Variants in TEK observed in about 807,000 individuals in gnomAD.
TEK encodes angiopoietin-1 receptor.
A neutral mutation model predicts 131.8 loss-of-function variants in TEK; 43 were observed. That is an observed-to-expected ratio of 0.33 (90% CI 0.26 to 0.42). The LOEUF (loss-of-function observed/expected upper bound fraction) is 0.42, where lower values mean the gene tolerates loss of function less well. Among genes scored for constraint, TEK ranks in the 10% least tolerant of loss-of-function variants. TEK has a pLI of 1.00. For synonymous variants in TEK, 580 were observed against 491.6 expected, an observed-to-expected ratio of 1.18 and a Z score of -2.38; for missense variants, 1,162 against 1,384.4, an observed-to-expected ratio of 0.84 and a Z score of 2.55.
Position 27,168,488 on chromosome 9 carries a change from T to G in TEK, c.365-7T>G. The G allele has an allele frequency of 6.2e-7, 1 of 1,609,914 alleles. No homozygotes were observed. Among genetic ancestry groups the G allele is most frequent in the Non-Finnish European group, 8.5e-7 (1 of 1,176,308 alleles). On this transcript the variant is annotated splice_polypyrimidine_tract_variant and splice_region_variant and intron_variant, in intron 2 of 22. Coordinates refer to ENST00000380036, the MANE Select transcript of TEK (RefSeq NM_000459.5). ...ATTTTTGGTATTTGTTTTCTCTCTT[T>G]TAAAAGCTTCCTTCCTACCAGCTAC...
At chr9:27,121,496 T>G (rs897931801) in intron 1 of TEK, among the ~76,000 whole-genome samples, 2 of 149,100 alleles carry the variant, frequency 1.3e-5, no homozygotes, top group Non-Finnish European at 3.0e-5. Context: ...TTTATATACA[T>G]ATTTTATTTG....
intron 21 of TEK, among the ~76,000 whole-genome samples, chr9:27,220,427 C>A (rs1826014839): frequency 2.0e-5 from 3 of 152,158 alleles, no homozygotes; most frequent in East Asian, 1.9e-4. Context: ...GAAACAAATT[C>A]TTTAAACATA....
intron 4 of TEK, among the ~76,000 whole-genome samples, chr9:27,170,249 G>T (rs1823901335): frequency 1.3e-5 from 2 of 152,154 alleles, no homozygotes; most frequent in African/African-American, 4.8e-5. Context: ...AACACGTGGG[G>T]ATTATGGGAA....
chr9:27,175,002 T>TATA (rs1824109969), intron 6 of TEK, among the ~76,000 whole-genome samples: 3 of 150,942 alleles, frequency 2.0e-5, no homozygotes, highest in African/African-American at 4.9e-5. Flanking sequence ...TTATTATTAT[T>TATA]ATACTGTAAG....
chr9:27,185,529 C>T lies in TEK; in HGVS notation c.1227C>T (p.Phe409=), dbSNP rs754884987. ...CGGATCATTTCTCAGTAGCCATATT[C>T]ACCATCCACCGGATCCTCCCCCCTG... ...NHTDHFSVAI[F]TIHRILPPDS... Residue 409 remains phenylalanine (F), a synonymous_variant, in exon 9 of 23, where the codon TTC becomes TTT. Coordinates refer to ENST00000380036, the MANE Select transcript of TEK (RefSeq NM_000459.5). 4 of 1,613,388 alleles carry T rather than the reference C, an allele frequency of 2.5e-6. No individual in the cohort carries two copies. Among genetic ancestry groups the T allele is most frequent in the Non-Finnish European group, 1.7e-6 (2 of 1,179,690 alleles).
intron 13 of TEK, 26 bp downstream of exon 13, chr9:27,203,145 A>C (rs761694527): frequency 6.2e-7 from 1 of 1,612,992 alleles, no homozygotes; most frequent in Non-Finnish European, 8.5e-7. Flanking sequence ...AAGTATTTAC[A>C]TAGGATTACC....
At chr9:27,192,729 G>A (rs1824869404) in intron 11 of TEK, 106 bp downstream of exon 11, 1 of 938,056 alleles carries the variant, frequency 1.1e-6, no homozygotes, top group Non-Finnish European at 1.6e-6. Flanking sequence ...GTGGGTGGGT[G>A]GGGATGGAGG....
In TEK at chr9:27,219,952, A is replaced by G. The variant is rs1053387430; in HGVS notation, c.3104-97A>G. 1.1e-5 allele frequency: 14 copies of G among 1,265,894 alleles called. No homozygotes were observed. In the African/African-American group the frequency reaches 1.9e-4, roughly 17 times the overall value. 78.4% of individuals were successfully genotyped at this position (1,265,894 alleles called of 1,614,324 possible). A position where few individuals can be genotyped will look rare whatever the true frequency, so the allele number is the denominator to read the frequency against. ...GATGCTCACCCTCTCTTGCCATACC[A>G]TGTCTTCCTCCTGGCCCCTTATATT... On this transcript the variant is annotated intron_variant, in intron 20 of 22. Transcript: ENST00000380036.
chr9:27,130,828 A>G (rs533097958), intron 1 of TEK, among the ~76,000 whole-genome samples: 1 of 152,108 alleles, frequency 6.6e-6, no homozygotes, highest in East Asian at 1.9e-4. Flanking sequence ...GGCCTCCCAG[A>G]GTGTTGGGAT....
rs535738688 is a variant in TEK, at chr9:27,221,323, T to A, written c.3200+1178T>A. On this transcript the variant is annotated intron_variant, in intron 21 of 22. Coordinates refer to ENST00000380036, the MANE Select transcript of TEK (RefSeq NM_000459.5). ...CTCCATGGGACAAAGCACCTAGTGG[T>A]AAGGGTGGCTGTTGGTGTAGCTTCA... Among the ~76,000 whole-genome samples, 24 of 152,258 alleles carry A rather than the reference T, an allele frequency of 1.6e-4. No individual in the cohort carries two copies. The South Asian group carries it at 4.8e-3, about 30-fold the overall frequency.
At chr9:27,225,876 T>TCAACAAATTTACAAGAAAAAAA (rs1826303289) in intron 21 of TEK, among the ~76,000 whole-genome samples, 1 of 152,024 alleles carries the variant, frequency 6.6e-6, no homozygotes, top group Non-Finnish European at 1.5e-5. Flanking sequence ...ACAAAGCACT[T>TCAACAAATTTACAAGAAAAAAA]CAACAAATTT....
Position 27,229,592 on chromosome 9 carries a change from C to T in TEK, c.*360C>T. ...TTGATATTTACCTTTATGTTGAATGCTATTAAATGTTTTCCTGTGTCAAAG... is the reference window on the plus strand; with the variant it reads ...TTGATATTTACCTTTATGTTGAATGTTATTAAATGTTTTCCTGTGTCAAAG... On this transcript the variant is annotated 3_prime_UTR_variant, in exon 23 of 23. Coordinates refer to ENST00000380036, the MANE Select transcript of TEK (RefSeq NM_000459.5). 1 of 276,448 alleles carries T rather than the reference C, an allele frequency of 3.6e-6. No homozygotes were observed. Among genetic ancestry groups the T allele is most frequent in the Non-Finnish European group, 7.0e-6 (1 of 142,764 alleles). 17.1% of individuals were successfully genotyped at this position (276,448 alleles called of 1,614,324 possible). A position where few individuals can be genotyped will look rare whatever the true frequency, so the allele number is the denominator to read the frequency against.
At chr9:27,185,686 T>A (rs956633715) in intron 9 of TEK, 57 bp downstream of exon 9, 2 of 1,606,194 alleles carry the variant, frequency 1.2e-6, no homozygotes, top group Non-Finnish European at 1.7e-6. Flanking sequence ...GTTTTTGTAT[T>A]GCTGCTTCTA....
intron 16 of TEK, 79 bp from the exon 17 acceptor site, chr9:27,212,628 C>T (rs991015302): frequency 2.7e-6 from 4 of 1,508,684 alleles, no homozygotes; most frequent in Non-Finnish European, 3.7e-6. Context: ...AGTTTATAGG[C>T]AATTTCCACA....
intron 7 of TEK, among the ~76,000 whole-genome samples, chr9:27,180,723 A>G (rs969155476): frequency 2.0e-5 from 3 of 152,078 alleles, no homozygotes; most frequent in Non-Finnish European, 4.4e-5. Context: ...GGATTTAGAC[A>G]GGGGATATTT....
chr9:27,181,570 A>C (rs1232318083), intron 7 of TEK, among the ~76,000 whole-genome samples: 1 of 152,194 alleles, frequency 6.6e-6, no homozygotes, highest in Non-Finnish European at 1.5e-5. Flanking sequence ...GGCATGTATC[A>C]GTACTTCATT....
rs553034819 is a variant in TEK at position 27,138,937 on chromosome 9, C to T, written c.53-18894C>T. 7.2e-5 allele frequency among the ~76,000 whole-genome samples: 11 copies of T among 152,046 alleles called. No homozygotes were observed. The East Asian group carries it at 1.4e-3, about 19-fold the overall frequency. The stretch of plus-strand genomic sequence containing the variant: ...TGAAAGTAGGATTCTTAGATGGGCA[C>T]GGTGGCTCAAGCCTGTAATCCCAGC... On this transcript the variant is annotated intron_variant, in intron 1 of 22. Transcript: ENST00000380036.
At chr9:27,169,724 A>G in intron 4 of TEK, 95 bp downstream of exon 4, 1 of 1,550,806 alleles carries the variant, frequency 6.4e-7, no homozygotes, top group Non-Finnish European at 8.8e-7. Context: ...TGGCTTCTTA[A>G]GCAAAAACCA....
In TEK at chr9:27,228,451, G is replaced by A. The variant is rs111567533; in HGVS notation, c.3300+146G>A. The A allele has an allele frequency of 1.1e-3, 768 of 680,936 alleles. 5 individuals carry two copies. In the African/African-American group the frequency reaches 0.012, roughly 11 times the overall value. The allele number at this position is 680,936 out of a possible 1,614,324, so 42.2% of individuals were successfully genotyped here. ...AAACAAAGGATGTCCCTCCACCCCC[G>A]CGACTTTGAAGAAGTTACAATTTTG... On this transcript the variant is annotated intron_variant, in intron 22 of 22. Transcript: ENST00000380036.
Sources: allele counts gnomAD v4.1 joint callset (sites outside exome capture counted in the v4.1 genomes callset), GRCh38; gene constraint gnomAD v4.1.1; transcripts MANE v1.5; gene names NCBI Gene and HGNC (gene_info 2026-07-23, HGNC 2026-07-21).